THSD7A: variants seen among roughly 807,000 people sequenced by gnomAD.
THSD7A encodes thrombospondin type-1 domain-containing protein 7A.
In THSD7A, 96 loss-of-function variants were observed where a neutral mutation model predicts 231.3. The observed-to-expected ratio is 0.41, with a 90% CI of 0.35 to 0.49. The LOEUF is 0.49. THSD7A is among the 20% of genes least tolerant of loss of function. THSD7A has a pLI of 0.05. For synonymous variants in THSD7A, 940 were observed against 743.3 expected, an observed-to-expected ratio of 1.26 and a Z score of -4.30; for missense variants, 2,290 against 2,070.2, an observed-to-expected ratio of 1.11 and a Z score of -2.06.
chr7:11,650,082 G>A (rs1020084452), intron 1 of THSD7A, among the ~76,000 whole-genome samples: 25 of 152,060 alleles, frequency 1.6e-4, no homozygotes, highest in South Asian at 4.1e-4. Context: ...GGAAAAAAGC[G>A]TATTTGCTAG....
At chr7:11,501,596 C>G (rs1787337974) in intron 6 of THSD7A, among the ~76,000 whole-genome samples, 1 of 152,140 alleles carries the variant, frequency 6.6e-6, no homozygotes, top group African/African-American at 2.4e-5. Context: ...AACAAAGATA[C>G]AACATGCCAG....
At chr7:11,673,792 G>A (rs937764347) in intron 1 of THSD7A, among the ~76,000 whole-genome samples, 3 of 152,144 alleles carry the variant, frequency 2.0e-5, no homozygotes, top group African/African-American at 7.2e-5. Flanking sequence ...GAATAGCTCA[G>A]CAATCTGAGT....
intron 1 of THSD7A, among the ~76,000 whole-genome samples, chr7:11,758,347 A>T (rs1017451470): frequency 1.3e-5 from 2 of 152,032 alleles, no homozygotes; most frequent in African/African-American, 4.8e-5. Context: ...ATAAAATATA[A>T]CATGTTTATT....
At chr7:11,558,051 G>A (rs889015126) in intron 4 of THSD7A, among the ~76,000 whole-genome samples, 2 of 152,212 alleles carry the variant, frequency 1.3e-5, no homozygotes, top group East Asian at 1.9e-4. Flanking sequence ...GAAAGAGCAG[G>A]AATTTGTTAG....
At chr7:11,573,928 A>G (rs974687822) in intron 4 of THSD7A, among the ~76,000 whole-genome samples, 85 of 152,172 alleles carry the variant, frequency 5.6e-4, no homozygotes, top group Non-Finnish European at 6.9e-4. Context: ...GAACACATCT[A>G]TTCAATCAAT....
intron 1 of THSD7A, among the ~76,000 whole-genome samples, chr7:11,780,189 A>G (rs2128174283): frequency 6.6e-6 from 1 of 152,208 alleles, no homozygotes; most frequent in Admixed American, 6.5e-5. Context: ...AAGAAAACTA[A>G]TCGTATTCAT....
chr7:11,696,675 A>T (rs1380875243), intron 1 of THSD7A, among the ~76,000 whole-genome samples: 1 of 151,372 alleles, frequency 6.6e-6, no homozygotes, highest in Non-Finnish European at 1.5e-5. Context: ...TAGAAATACA[A>T]CTTACAAGGG....
At chr7:11,493,684 T>G (rs1300262868) in intron 6 of THSD7A, among the ~76,000 whole-genome samples, 1 of 152,136 alleles carries the variant, frequency 6.6e-6, no homozygotes, top group African/African-American at 2.4e-5. Flanking sequence ...TTGTACCATT[T>G]TAATTTGTTT....
chr7:11,392,904 T>G (rs1783039897), intron 23 of THSD7A, among the ~76,000 whole-genome samples: 1 of 151,984 alleles, frequency 6.6e-6, no homozygotes, highest in Non-Finnish European at 1.5e-5. Flanking sequence ...TAGATCAAAC[T>G]CCCATCTCCC....
chr7:11,539,115 T>C (rs1335484494), intron 6 of THSD7A, among the ~76,000 whole-genome samples: 1 of 152,160 alleles, frequency 6.6e-6, no homozygotes, highest in Non-Finnish European at 1.5e-5. Context: ...TCAACTTTAA[T>C]TCCCTGGGCC....
At chr7:11,713,396 A>G (rs992732282) in intron 1 of THSD7A, among the ~76,000 whole-genome samples, 2 of 151,186 alleles carry the variant, frequency 1.3e-5, no homozygotes, top group African/African-American at 4.8e-5. Flanking sequence ...ACTATCAGTT[A>G]AAAAAGATAA....
At chr7:11,708,210 A>G (rs1052799422) in intron 1 of THSD7A, among the ~76,000 whole-genome samples, 23 of 150,894 alleles carry the variant, frequency 1.5e-4, no homozygotes, top group African/African-American at 5.1e-4. Flanking sequence ...ATAATGTTAA[A>G]CTTTTATAAT....
intron 23 of THSD7A, among the ~76,000 whole-genome samples, chr7:11,397,799 A>T (rs895098639): frequency 1.3e-5 from 2 of 152,256 alleles, no homozygotes; most frequent in Non-Finnish European, 2.9e-5. Context: ...ACATGAAAAA[A>T]AGCTCATCAA....
intron 1 of THSD7A, among the ~76,000 whole-genome samples, chr7:11,641,864 T>G (rs975110862): frequency 1.3e-5 from 2 of 152,052 alleles, no homozygotes; most frequent in East Asian, 3.9e-4. Context: ...TGTGTCCAAT[T>G]AACCAACCCT....
In THSD7A at chr7:11,764,929, T is replaced by C. The variant is rs1782985452; in HGVS notation, c.190+66828A>G. 2.0e-5 allele frequency among the ~76,000 whole-genome samples: 3 copies of C among 152,118 alleles called. No individual in the cohort carries two copies. The South Asian group carries it at 6.2e-4, about 31-fold the overall frequency. ...AAGAGGCTAATCTGTCAAACTCTAA[T>C]GTAAGTAGAAATGGTTTAAAATCTG... is the stretch of plus-strand genomic sequence containing the variant. On this transcript the variant is annotated intron_variant, in intron 1 of 27. Coordinates refer to ENST00000423059, the MANE Select transcript of THSD7A (RefSeq NM_015204.3).
intron 1 of THSD7A, among the ~76,000 whole-genome samples, chr7:11,736,533 CA>C (rs938952629): frequency 1.3e-5 from 2 of 151,432 alleles, no homozygotes; most frequent in Non-Finnish European, 2.9e-5. Flanking sequence ...ATATAGAACT[CA>C]ATTAGGCTTT....
intron 4 of THSD7A, among the ~76,000 whole-genome samples, chr7:11,557,945 G>T (rs562322482): frequency 4.6e-5 from 7 of 152,230 alleles, no homozygotes; most frequent in South Asian, 2.1e-4. Flanking sequence ...GTGAGGGTAT[G>T]GCCATGTTAT....
At chr7:11,546,071 G>A (rs1186058582) in intron 4 of THSD7A, among the ~76,000 whole-genome samples, 1 of 152,118 alleles carries the variant, frequency 6.6e-6, no homozygotes, top group Non-Finnish European at 1.5e-5. Context: ...CTCCTTCATT[G>A]GTAGGTACCA....
intron 11 of THSD7A, among the ~76,000 whole-genome samples, chr7:11,452,059 C>T (rs774407069): frequency 2.0e-5 from 3 of 152,036 alleles, no homozygotes; most frequent in Middle Eastern, 3.4e-3. Flanking sequence ...AGCAAATGGT[C>T]AAAGAGCTCT....
Sources: allele counts gnomAD v4.1 joint callset (sites outside exome capture counted in the v4.1 genomes callset), GRCh38; gene constraint gnomAD v4.1.1; transcripts MANE v1.5; gene names NCBI Gene and HGNC (gene_info 2026-07-23, HGNC 2026-07-21).